The following FAM81A variants were observed in gnomAD, a reference collection of about 807,000 sequenced individuals.
The protein encoded by FAM81A is protein FAM81A.
Under a neutral mutation model 46.7 loss-of-function variants are expected in FAM81A, and 19 were observed. That is an observed-to-expected ratio of 0.41 (90% CI 0.28 to 0.60). The LOEUF (loss-of-function observed/expected upper bound fraction) is 0.60. Among genes scored for constraint, FAM81A ranks in the 20% least tolerant of loss-of-function variants. FAM81A has a pLI of 0.34. For synonymous variants in FAM81A, 183 were observed against 152.9 expected (o/e 1.20, Z -1.45); for missense variants, 377 against 453.5 (o/e 0.83, Z 1.53).
At chr15:59,443,683 C>G (rs1281459025) in intron 1 of FAM81A, among the ~76,000 whole-genome samples, 2 of 152,292 alleles carry the variant, frequency 1.3e-5, no homozygotes, top group South Asian at 2.1e-4. Context: ...TGGGGTTATT[C>G]TGACTTTCTG....
At chr15:59,475,296 C>A (rs2081752110) in intron 3 of FAM81A, among the ~76,000 whole-genome samples, 1 of 152,072 alleles carries the variant, frequency 6.6e-6, no homozygotes, top group South Asian at 2.1e-4. Context: ...AGGCACACCA[C>A]CACACCCGGC....
chr15:59,463,281 A>G (rs1376891710), intron 3 of FAM81A, among the ~76,000 whole-genome samples: 8 of 152,166 alleles, frequency 5.3e-5, no homozygotes, highest in African/African-American at 1.2e-4. Context: ...TTGAAAATCA[A>G]TTGAACATAA....
Position 59,460,318 on chromosome 15 carries a change from A to C in FAM81A, c.294+112A>C, listed in dbSNP as rs373107052. On this transcript the variant is annotated intron_variant, in intron 3 of 8. Transcript: ENST00000288228. The surrounding 1 kb of genome is among the most constrained non-coding windows in gnomAD (Gnocchi z 4.4). Reference sequence around the variant, plus strand: ...CCCAGGCAGTACTGCATTTAGAACAAAGCTGTCTGTCTTGTCTATTCTTAA... The same window carrying C: ...CCCAGGCAGTACTGCATTTAGAACACAGCTGTCTGTCTTGTCTATTCTTAA... 2.2e-6 allele frequency: 3 copies of C among 1,368,176 alleles called. No individual in the cohort carries two copies. In the East Asian group the frequency reaches 6.9e-5, roughly 31 times the overall value. The allele number at this position is 1,368,176 out of a possible 1,614,324, so 84.8% of individuals were successfully genotyped here. A position where few individuals can be genotyped will look rare whatever the true frequency, so the allele number is the denominator to read the frequency against.
At chr15:59,452,600 C>T (rs1465615776) in intron 1 of FAM81A, among the ~76,000 whole-genome samples, 3 of 152,090 alleles carry the variant, frequency 2.0e-5, no homozygotes, top group African/African-American at 7.2e-5. Flanking sequence ...TGAGCTATGA[C>T]CAAGCCACTG....
At chr15:59,431,114 G>A (rs1193545312) in intron 2 of FAM81A, among the ~76,000 whole-genome samples, 1 of 152,130 alleles carries the variant, frequency 6.6e-6, no homozygotes, top group Non-Finnish European at 1.5e-5. Flanking sequence ...CATTTTACAG[G>A]TGAGGGCACT....
chr15:59,446,860 A>T (rs780411710), intron 1 of FAM81A, among the ~76,000 whole-genome samples: 1 of 152,214 alleles, frequency 6.6e-6, no homozygotes, highest in African/African-American at 2.4e-5. Context: ...AATGAAAGTA[A>T]AAATTGATAG....
intron 3 of FAM81A, among the ~76,000 whole-genome samples, chr15:59,469,333 G>A: frequency 6.6e-6 from 1 of 152,128 alleles, no homozygotes; most frequent in Non-Finnish European, 1.5e-5. Flanking sequence ...CATTATTATT[G>A]TATGGGAGTC....
chr15:59,512,410 T>G (rs1955115158), intron 6 of FAM81A, among the ~76,000 whole-genome samples: 1 of 135,338 alleles, frequency 7.4e-6, no homozygotes, highest in African/African-American at 2.8e-5. Context: ...AGGCAGAGGT[T>G]GCAGTGAGCC....
intron 4 of FAM81A, among the ~76,000 whole-genome samples, chr15:59,497,220 G>A (rs575136776): frequency 4.0e-5 from 6 of 150,636 alleles, no homozygotes; most frequent in African/African-American, 2.4e-5. Flanking sequence ...GGCTGAGGTG[G>A]GCAGATCACG....
intron 3 of FAM81A, among the ~76,000 whole-genome samples, chr15:59,464,435 A>G (rs760154539): frequency 6.6e-5 from 10 of 152,244 alleles, no homozygotes; most frequent in Non-Finnish European, 1.2e-4. Context: ...ATTCCCGCCA[A>G]CAGTGTATAA....
intron 8 of FAM81A, among the ~76,000 whole-genome samples, chr15:59,517,198 G>A (rs2082276801): frequency 6.6e-6 from 1 of 152,132 alleles, no homozygotes; most frequent in Non-Finnish European, 1.5e-5. Context: ...TTATTTTATA[G>A]TGCTAGCAGT....
chr15:59,485,403 G>T (rs1377905491), intron 3 of FAM81A, among the ~76,000 whole-genome samples: 1 of 152,194 alleles, frequency 6.6e-6, no homozygotes, highest in African/African-American at 2.4e-5. Flanking sequence ...GCTCCAGGTA[G>T]CTCAGCACAA....
At chr15:59,494,311 CTG>C (rs1422721357) in intron 4 of FAM81A, among the ~76,000 whole-genome samples, 1 of 152,138 alleles carries the variant, frequency 6.6e-6, no homozygotes. Context: ...TAGGAGGACT[CTG>C]AGGATCTTCG....
chr15:59,490,265 G>A (rs575877750), intron 3 of FAM81A, among the ~76,000 whole-genome samples: 11 of 152,136 alleles, frequency 7.2e-5, no homozygotes, highest in Non-Finnish European at 1.6e-4. Context: ...TGGACAAATG[G>A]GATCAAATTA....
At chr15:59,482,893 G>A (rs1567063406) in intron 3 of FAM81A, among the ~76,000 whole-genome samples, 1 of 152,110 alleles carries the variant, frequency 6.6e-6, no homozygotes, top group East Asian at 1.9e-4. Context: ...AAGTTGTCTT[G>A]CAAGAATGTA....
chr15:59,402,379 G>GA (rs1359911938), intron 2 of FAM81A: 1 of 153,092 alleles, frequency 6.5e-6, no homozygotes, highest in African/African-American at 2.4e-5. Flanking sequence ...GTGGGACGGG[G>GA]AGAGTCTGCT....
intron 2 of FAM81A, among the ~76,000 whole-genome samples, chr15:59,415,493 G>A (rs2081142740): frequency 6.6e-6 from 1 of 152,300 alleles, no homozygotes; most frequent in Admixed American, 6.5e-5. Flanking sequence ...AAGTGGAACA[G>A]GGAGGCAGAC....
intron 4 of FAM81A, among the ~76,000 whole-genome samples, chr15:59,499,375 T>C (rs950837638): frequency 6.6e-6 from 1 of 152,180 alleles, no homozygotes; most frequent in Non-Finnish European, 1.5e-5. Flanking sequence ...CATTGTTCTA[T>C]GTATGTAACA....
intron 3 of FAM81A, among the ~76,000 whole-genome samples, chr15:59,472,761 A>G (rs2081712190): frequency 1.3e-5 from 2 of 152,094 alleles, no homozygotes; most frequent in Admixed American, 1.3e-4. Flanking sequence ...TATGTTGTCC[A>G]ATCATTTCCA....
Sources: allele counts gnomAD v4.1 joint callset (sites outside exome capture counted in the v4.1 genomes callset), GRCh38; gene constraint gnomAD v4.1.1; non-coding constraint Gnocchi (gnomAD v3.1); transcripts MANE v1.5; gene names NCBI Gene and HGNC (gene_info 2026-07-23, HGNC 2026-07-21).